Variants in GRIK2 observed in about 807,000 individuals in gnomAD.
GRIK2 encodes glutamate receptor ionotropic, kainate 2.
Under a neutral mutation model 100.3 loss-of-function variants are expected in GRIK2, and 32 were observed. That is an observed-to-expected ratio of 0.32 (90% CI 0.24 to 0.43). The LOEUF (loss-of-function observed/expected upper bound fraction) is 0.43. Among genes scored for constraint, GRIK2 ranks in the 20% least tolerant of loss-of-function variants. GRIK2 has a pLI of 1.00. For synonymous variants in GRIK2, 417 were observed against 389.4 expected (o/e 1.07, Z -0.83); for missense variants, 843 against 1,114.9 (o/e 0.76, Z 3.47).
rs150945477 is a variant in GRIK2 at position 101,407,619 on chromosome 6, G to A, written c.115+8227G>A. ...TCTCTTTTTTTTTCCTTAATGTGTA[G>A]CTCTATCAGCCTCTTGCATACCTGC... On this transcript the variant is annotated intron_variant, in intron 2 of 16. Coordinates refer to ENST00000369134, the MANE Select transcript of GRIK2 (RefSeq NM_021956.5). Among the ~76,000 whole-genome samples the A allele has an allele frequency of 3.8e-3, 581 of 151,574 alleles. 4 individuals carry two copies. The highest frequency in any genetic ancestry group is 0.013 in the African/African-American group (530 of 41,280).
At chr6:101,899,641 T>G (rs746601030) in intron 12 of GRIK2, among the ~76,000 whole-genome samples, 3 of 152,136 alleles carry the variant, frequency 2.0e-5, no homozygotes, top group Non-Finnish European at 2.9e-5. Flanking sequence ...CATGGGCTTC[T>G]GACTACACCT....
intron 2 of GRIK2, among the ~76,000 whole-genome samples, chr6:101,573,880 A>G (rs1428185498): frequency 6.6e-6 from 1 of 152,102 alleles, no homozygotes; most frequent in East Asian, 1.9e-4. Context: ...TAGAATTTAA[A>G]AGCTTGTTCT....
intron 2 of GRIK2, among the ~76,000 whole-genome samples, chr6:101,404,037 A>C (rs1303959637): frequency 6.6e-6 from 1 of 152,230 alleles, no homozygotes; most frequent in Non-Finnish European, 1.5e-5. Flanking sequence ...TGTCTTCTAG[A>C]AATTGCACGC....
chr6:102,059,684 A>G (rs953955468), intron 16 of GRIK2, among the ~76,000 whole-genome samples: 2 of 150,872 alleles, frequency 1.3e-5, no homozygotes, highest in Non-Finnish European at 3.0e-5. Flanking sequence ...TTTTTATAAC[A>G]TGGATTGTTT....
At chr6:101,997,466 A>G (rs1033071880) in intron 14 of GRIK2, among the ~76,000 whole-genome samples, 1 of 152,012 alleles carries the variant, frequency 6.6e-6, no homozygotes, top group Non-Finnish European at 1.5e-5. Context: ...TTTTCACTCA[A>G]TGTGATTATT....
intron 4 of GRIK2, among the ~76,000 whole-genome samples, chr6:101,670,111 A>G (rs754812750): frequency 2.0e-5 from 3 of 152,078 alleles, no homozygotes; most frequent in Non-Finnish European, 4.4e-5. Flanking sequence ...ATTGAATGTG[A>G]AAAGCATTAT....
chr6:101,404,469 T>C (rs1403546232), intron 2 of GRIK2, among the ~76,000 whole-genome samples: 8 of 152,348 alleles, frequency 5.3e-5, no homozygotes, highest in Non-Finnish European at 7.3e-5. Flanking sequence ...TGAGAGAAAT[T>C]ACTTCACTTT....
intron 2 of GRIK2, among the ~76,000 whole-genome samples, chr6:101,565,684 G>A (rs1777221999): frequency 6.6e-6 from 1 of 151,552 alleles, no homozygotes; most frequent in Non-Finnish European, 1.5e-5. Context: ...AATTCTACCT[G>A]TGTCAGAAAT....
intron 2 of GRIK2, among the ~76,000 whole-genome samples, chr6:101,404,033 CT>C (rs1445414562): frequency 6.6e-6 from 1 of 152,216 alleles, no homozygotes; most frequent in Non-Finnish European, 1.5e-5. Flanking sequence ...TTTTTGTCTT[CT>C]AGAAATTGCA....
At chr6:101,539,225 A>G (rs568730838) in intron 2 of GRIK2, among the ~76,000 whole-genome samples, 5 of 151,830 alleles carry the variant, frequency 3.3e-5, no homozygotes, top group Admixed American at 2.6e-4. Context: ...TTTCAGTTTT[A>G]TTTAGTTCTT....
intron 4 of GRIK2, among the ~76,000 whole-genome samples, chr6:101,645,163 GAA>G (rs559337869): frequency 1.6e-5 from 2 of 127,862 alleles, no homozygotes; most frequent in African/African-American, 2.9e-5. Flanking sequence ...AGAATAAGAA[GAA>G]AAAAAAAAAA....
At chr6:101,836,659 ATAT>A (rs1204492558) in intron 10 of GRIK2, among the ~76,000 whole-genome samples, 186 of 60,222 alleles carry the variant, frequency 3.1e-3, no homozygotes, top group East Asian at 0.011. Flanking sequence ...ATATATATAT[ATAT>A]TTTTTTTTTT....
Position 101,459,449 on chromosome 6 carries a change from C to T in GRIK2, c.115+60057C>T, listed in dbSNP as rs187878453. Among the ~76,000 whole-genome samples, 9 of 152,250 alleles carry T rather than the reference C, an allele frequency of 5.9e-5. No homozygotes were observed. In the East Asian group the frequency reaches 1.7e-3, roughly 29 times the overall value. ...ATATACTCTTACTGAGATTGCTTTC[C>T]CAGTCTTTGTTAGCATATTCACAGT... On this transcript the variant is annotated intron_variant, in intron 2 of 16. Transcript: ENST00000369134.
intron 14 of GRIK2, among the ~76,000 whole-genome samples, chr6:101,979,529 G>A (rs1012551539): frequency 6.6e-6 from 1 of 151,946 alleles, no homozygotes; most frequent in Non-Finnish European, 1.5e-5. Context: ...GAAAACTTGT[G>A]AGTGTTGGAG....
At chr6:101,839,763 T>C in intron 10 of GRIK2, among the ~76,000 whole-genome samples, 1 of 152,068 alleles carries the variant, frequency 6.6e-6, no homozygotes, top group East Asian at 1.9e-4. Flanking sequence ...GAAGAATATA[T>C]CATTTGCAAA....
At chr6:101,790,230 C>A (rs1259177437) in intron 7 of GRIK2, among the ~76,000 whole-genome samples, 1 of 151,746 alleles carries the variant, frequency 6.6e-6, no homozygotes, top group Admixed American at 6.5e-5. Flanking sequence ...CTGGCCAGAC[C>A]TTCCAACACT....
At position 101,818,429 on chromosome 6, in the gene GRIK2, A is replaced by G. The variant is rs747460784; in HGVS notation, c.1263A>G (p.Pro421=). Residue 421 remains proline, a synonymous_variant, in exon 10 of 17, where the codon CCA becomes CCG. Transcript: ENST00000369134. The part of the protein sequence containing the change: ...LNMTESQKGK[P]ANITDSLSNR... ...TGACAGAAAGTCAAAAGGGAAAGCC[A>G]GCGAACATCACAGATTCCTTATCCA... The G allele has an allele frequency of 4.3e-6, 7 of 1,612,250 alleles. No homozygotes were observed. Among genetic ancestry groups the G allele is most frequent in the Non-Finnish European group, 5.9e-6 (7 of 1,178,484 alleles).
At chr6:101,665,922 A>G (rs1017452294) in intron 4 of GRIK2, among the ~76,000 whole-genome samples, 2 of 152,142 alleles carry the variant, frequency 1.3e-5, no homozygotes, top group Non-Finnish European at 2.9e-5. Flanking sequence ...TGGAGGGTAC[A>G]GAGATGGAGA....
At chr6:101,955,599 TCTCTCTCTCTCTCTCTCCC>T (rs1791875541) in intron 14 of GRIK2, among the ~76,000 whole-genome samples, 3 of 101,816 alleles carry the variant, frequency 2.9e-5, no homozygotes, top group Non-Finnish European at 4.8e-5. Flanking sequence ...TCTCTCTCTC[TCTCTCTCTCTCTCTCTCCC>T]CCCCATTTCT....
Sources: allele counts gnomAD v4.1 joint callset (sites outside exome capture counted in the v4.1 genomes callset), GRCh38; gene constraint gnomAD v4.1.1; transcripts MANE v1.5; gene names NCBI Gene and HGNC (gene_info 2026-07-23, HGNC 2026-07-21).